C3orf49: variants seen among roughly 807,000 people sequenced by gnomAD.
C3orf49 encodes the protein chromosome 3 open reading frame 49.
In C3orf49, 27 loss-of-function variants were observed where a neutral mutation model predicts 13.3. The ratio of observed to expected loss-of-function variants is 2.02; its 90% CI spans 1.49 to 2.79. The LOEUF (loss-of-function observed/expected upper bound fraction) is 2.79. C3orf49 is among the 30% of genes most tolerant of loss of function. The pLI, the probability that C3orf49 is intolerant of heterozygous loss-of-function variation, is 0.00. For missense variants in C3orf49, 242 were observed against 134.2 expected (o/e 1.80, Z -3.97); for synonymous variants, 87 against 47.6 (o/e 1.83, Z -3.40).
intron 5 of C3orf49, among the ~76,000 whole-genome samples, chr3:63,842,446 C>A (rs997964987): frequency 1.3e-5 from 2 of 152,054 alleles, no homozygotes; most frequent in Non-Finnish European, 2.9e-5. Flanking sequence ...GAATTCACAA[C>A]CTAAGTGTCC....
chr3:63,844,975 A>AT, intron 5 of C3orf49, 48 bp from the exon 6 acceptor site: 1 of 662,506 alleles, frequency 1.5e-6, no homozygotes. Context: ...AATCATAAAT[A>AT]AAGACAATTG....
At chr3:63,819,162 C>A (rs1250375752), upstream of C3orf49, among the ~76,000 whole-genome samples, 1 of 151,908 alleles carries the variant, frequency 6.6e-6, no homozygotes, top group East Asian at 1.9e-4. Flanking sequence ...GCAATCAGAT[C>A]ATCATTTCTG....
chr3:63,793,587 C>T, the C3orf49 span, among the ~76,000 whole-genome samples: 3 of 151,750 alleles, frequency 2.0e-5, no homozygotes, highest in African/African-American at 7.3e-5. Context: ...TCTTATTTCA[C>T]TGAGTGGAAG....
chr3:63,790,378 A>T, the C3orf49 span, among the ~76,000 whole-genome samples: 4 of 152,180 alleles, frequency 2.6e-5, no homozygotes, highest in Non-Finnish European at 5.9e-5. Flanking sequence ...TGACCAAAGT[A>T]ATGTTTATGT....
At chr3:63,838,667 TGTA>T (rs1160879096) in intron 5 of C3orf49, among the ~76,000 whole-genome samples, 1 of 152,238 alleles carries the variant, frequency 6.6e-6, no homozygotes, top group East Asian at 1.9e-4. Flanking sequence ...TTTTATCAAA[TGTA>T]GTATTCTTGA....
chr3:63,801,186 T>A, the C3orf49 span, among the ~76,000 whole-genome samples: 8 of 152,124 alleles, frequency 5.3e-5, no homozygotes, highest in African/African-American at 1.9e-4. Context: ...CTCAGTTTAA[T>A]CAATGGGGAA....
the C3orf49 span, among the ~76,000 whole-genome samples, chr3:63,795,391 T>C: frequency 1.3e-5 from 2 of 152,204 alleles, no homozygotes; most frequent in African/African-American, 4.8e-5. Flanking sequence ...TCGTTTTCAA[T>C]TAATGCCTGC....
chr3:63,842,583 TGAAGTAACTCAG>T (rs1174854412), intron 5 of C3orf49, among the ~76,000 whole-genome samples: 1 of 152,104 alleles, frequency 6.6e-6, no homozygotes, highest in Non-Finnish European at 1.5e-5. Context: ...TTATTCTAAG[TGAAGTAACTCAG>T]GAATGGAAAA....
chr3:63,835,737 A>G (rs58274003), intron 5 of C3orf49, among the ~76,000 whole-genome samples: 3,958 of 152,164 alleles, frequency 0.026, 163 homozygotes, highest in African/African-American at 0.089. Context: ...TTAACTCGAA[A>G]TACCCTTTGA....
Position 63,823,523 on chromosome 3 carries a change from A to T in C3orf49, c.399A>T (p.Ser133=). Residue 133 remains serine, a synonymous_variant, in exon 2 of 7, where the codon TCA becomes TCT. Coordinates refer to ENST00000295896, the MANE Select transcript of C3orf49 (RefSeq NM_001355236.2). ...SLLPRIVKEF[S]SPKLFTAKMR... Reference sequence around the variant, plus strand: ...TCCCTAGGATTGTCAAGGAGTTTTCATCTCCCAAGTTATTTACAGCAAAAA... The same window carrying T: ...TCCCTAGGATTGTCAAGGAGTTTTCTTCTCCCAAGTTATTTACAGCAAAAA... 1.4e-6 allele frequency: 1 copy of T among 701,834 alleles called. No homozygotes were observed. Among genetic ancestry groups the T allele is most frequent in the South Asian group, 1.5e-5 (1 of 67,324 alleles). 43.5% of individuals were successfully genotyped at this position (701,834 alleles called of 1,614,324 possible).
At chr3:63,799,939 T>C in the C3orf49 span, among the ~76,000 whole-genome samples, 26 of 152,200 alleles carry the variant, frequency 1.7e-4, no homozygotes, top group Non-Finnish European at 3.2e-4. Flanking sequence ...TACCTGTGTA[T>C]AGCCAAGATT....
chr3:63,833,943 A>T, intron 5 of C3orf49: 1 of 518,100 alleles, frequency 1.9e-6, no homozygotes, highest in Non-Finnish European at 3.3e-6. Context: ...AATGCATTTT[A>T]ATAAAAACAA....
chr3:63,816,259 A>T (rs1258024775), upstream of C3orf49, among the ~76,000 whole-genome samples: 2 of 151,186 alleles, frequency 1.3e-5, no homozygotes, highest in African/African-American at 4.9e-5. Context: ...GATTTTAGTC[A>T]TTTTCTTCAC....
At chr3:63,819,183 G>T (rs1022288034), upstream of C3orf49, among the ~76,000 whole-genome samples, 1 of 151,008 alleles carries the variant, frequency 6.6e-6, no homozygotes, top group African/African-American at 2.5e-5. Flanking sequence ...TATTTGCCTT[G>T]TTCAAGAATC....
In C3orf49 at chr3:63,831,715, C is replaced by G. The variant is rs529437102; in HGVS notation, c.720C>G (p.Ser240=). The change falls in exon 5 of 7, where the codon TCC becomes TCG. Residue 240 remains serine, a synonymous_variant. Coordinates refer to ENST00000295896, the MANE Select transcript of C3orf49 (RefSeq NM_001355236.2). ...TCATAGAAACAGTGACTGATAAATC[C>G]ATGAAGCTACTGGCCCAAAGACATG... The part of the protein sequence containing the change: ...DDLIETVTDK[S]MKLLAQRHAE... The G allele has an allele frequency of 8.5e-6, 6 of 703,084 alleles. No homozygotes were observed. Among genetic ancestry groups the G allele is most frequent in the African/African-American group, 7.0e-5 (4 of 57,332 alleles). 43.6% of individuals were successfully genotyped at this position (703,084 alleles called of 1,614,324 possible).
chr3:63,840,875 C>A (rs62253804), intron 5 of C3orf49, among the ~76,000 whole-genome samples: 4,401 of 152,248 alleles, frequency 0.029, 104 homozygotes, highest in South Asian at 0.064. Flanking sequence ...GGCCACTGAA[C>A]AATAACAAAT....
the C3orf49 span, among the ~76,000 whole-genome samples, chr3:63,800,258 C>T: frequency 2.6e-5 from 4 of 152,122 alleles, no homozygotes; most frequent in Non-Finnish European, 2.9e-5. Context: ...TCCTCTGGGT[C>T]GTTGGCCGCT....
At chr3:63,780,234 T>G in the C3orf49 span, among the ~76,000 whole-genome samples, 1 of 152,150 alleles carries the variant, frequency 6.6e-6, no homozygotes, top group East Asian at 1.9e-4. Flanking sequence ...AGTGAGAACA[T>G]GCGCTGTTTG....
chr3:63,795,099 T>C, the C3orf49 span, among the ~76,000 whole-genome samples: 7 of 152,298 alleles, frequency 4.6e-5, no homozygotes, highest in East Asian at 7.7e-4. Flanking sequence ...TTTGTTTGCA[T>C]AGAAGTTTAA....
Sources: allele counts gnomAD v4.1 joint callset (sites outside exome capture counted in the v4.1 genomes callset), GRCh38; gene constraint gnomAD v4.1.1; transcripts MANE v1.5; gene names NCBI Gene and HGNC (gene_info 2026-07-23, HGNC 2026-07-21).